Variants in IL1RAPL1 observed in about 807,000 individuals in gnomAD.
IL1RAPL1 encodes interleukin-1 receptor accessory protein-like 1.
Under a neutral mutation model 48.4 loss-of-function variants are expected in IL1RAPL1, and 3 were observed. The observed-to-expected ratio is 0.06, with a 90% CI of 0.03 to 0.16. The LOEUF is 0.16. Ranked by LOEUF, IL1RAPL1 falls within the 10% of genes least tolerant of loss-of-function variation. The pLI, the probability that IL1RAPL1 is intolerant of heterozygous loss-of-function variation, is 1.00. For synonymous variants in IL1RAPL1, 185 were observed against 187.7 expected (o/e 0.99, Z 0.12); for missense variants, 349 against 530.6 (o/e 0.66, Z 3.36).
chrX:29,110,149 G>A (rs764762680), intron 2 of IL1RAPL1, among the ~76,000 whole-genome samples: 1 of 111,649 alleles, frequency 9.0e-6, no homozygotes, highest in South Asian at 3.7e-4. Context: ...TAACATTGCT[G>A]CCTTTCTTTA....
intron 2 of IL1RAPL1, among the ~76,000 whole-genome samples, chrX:29,158,175 G>A (rs1335232281): frequency 1.8e-5 from 2 of 111,092 alleles, no homozygotes; most frequent in East Asian, 5.7e-4. Flanking sequence ...CCATTCCAAA[G>A]ACCACTAGGG....
chrX:28,659,026 T>A (rs763844865), intron 1 of IL1RAPL1: 77 of 544,239 alleles, frequency 1.4e-4, no homozygotes, highest in Non-Finnish European at 2.2e-4. Flanking sequence ...TTTTTTTTTT[T>A]ATTGAGAATG....
chrX:29,041,056 T>C (rs1004265801), intron 2 of IL1RAPL1, among the ~76,000 whole-genome samples: 1 of 112,354 alleles, frequency 8.9e-6, no homozygotes, highest in Non-Finnish European at 1.9e-5. Flanking sequence ...GTATGAATCC[T>C]TCTTAATGAT....
chrX:28,767,046 G>C (rs915510858), intron 1 of IL1RAPL1, among the ~76,000 whole-genome samples: 1 of 110,906 alleles, frequency 9.0e-6, no homozygotes, highest in African/African-American at 3.3e-5. Flanking sequence ...CTTTCTTTTG[G>C]GTATATACCC....
chrX:29,093,340 G>A (rs1453463949), intron 2 of IL1RAPL1, among the ~76,000 whole-genome samples: 1 of 110,075 alleles, frequency 9.1e-6, no homozygotes, highest in East Asian at 2.9e-4. Context: ...GGAGGAGGGG[G>A]GTGGGAGATA....
At chrX:29,237,175 G>A (rs1931326374) in intron 2 of IL1RAPL1, among the ~76,000 whole-genome samples, 1 of 111,752 alleles carries the variant, frequency 8.9e-6, no homozygotes, top group African/African-American at 3.3e-5. Flanking sequence ...TGCAGAAACT[G>A]TCAAAACGAA....
intron 2 of IL1RAPL1, among the ~76,000 whole-genome samples, chrX:28,866,514 C>A (rs957006734): frequency 2.1e-5 from 2 of 95,845 alleles, no homozygotes; most frequent in Admixed American, 1.2e-4. Context: ...TTGTTCCCCC[C>A]AAAAACTATG....
At chrX:28,976,474 CT>C (rs1213409851) in intron 2 of IL1RAPL1, among the ~76,000 whole-genome samples, 1 of 111,529 alleles carries the variant, frequency 9.0e-6, no homozygotes, top group Non-Finnish European at 1.9e-5. Context: ...TTGCCATTTA[CT>C]GAGATGGGAA....
intron 3 of IL1RAPL1, among the ~76,000 whole-genome samples, chrX:29,382,727 C>G (rs905589875): frequency 2.7e-5 from 3 of 111,456 alleles, no homozygotes; most frequent in Non-Finnish European, 5.6e-5. Flanking sequence ...ACTGCTGCAT[C>G]TAGGGATGCC....
intron 6 of IL1RAPL1, among the ~76,000 whole-genome samples, chrX:29,846,401 T>C (rs1931247223): frequency 9.0e-6 from 1 of 111,676 alleles, no homozygotes; most frequent in Non-Finnish European, 1.9e-5. Context: ...ACGGAAGAAA[T>C]AGACTCAAAA....
intron 6 of IL1RAPL1, among the ~76,000 whole-genome samples, chrX:29,697,458 T>G (rs1192793200): frequency 1.8e-5 from 2 of 112,289 alleles, no homozygotes; most frequent in Non-Finnish European, 3.8e-5. Flanking sequence ...CCACAATGTT[T>G]TTAACTGACT....
chrX:29,652,036 C>G (rs910883530), intron 5 of IL1RAPL1, among the ~76,000 whole-genome samples: 9 of 111,327 alleles, frequency 8.1e-5, no homozygotes, highest in Non-Finnish European at 1.5e-4. Flanking sequence ...ATCTCATTAG[C>G]CATCAAAAAT....
In IL1RAPL1 at chrX:29,832,025, G is replaced by A. The variant is rs571934224; in HGVS notation, c.779-85439G>A. ...GCTGTCAACCCGTGGGACACCTGAT[G>A]ACATTCTTTTTCAAGAACCAACATC... On this transcript the variant is annotated intron_variant, in intron 6 of 10. Transcript: ENST00000378993. Among the ~76,000 whole-genome samples, 4 of 111,693 alleles carry A rather than the reference G, an allele frequency of 3.6e-5. No homozygotes were observed. In the East Asian group the frequency reaches 1.1e-3, roughly 31 times the overall value.
chrX:29,029,112 GA>G (rs1926558900), intron 2 of IL1RAPL1, among the ~76,000 whole-genome samples: 1 of 111,178 alleles, frequency 9.0e-6, no homozygotes, highest in Admixed American at 9.6e-5. Flanking sequence ...AGATGCTTAT[GA>G]AACCATCACA....
At chrX:29,377,405 G>A (rs1933637938) in intron 3 of IL1RAPL1, among the ~76,000 whole-genome samples, 1 of 111,828 alleles carries the variant, frequency 8.9e-6, no homozygotes. Flanking sequence ...TCATCATGTA[G>A]TTAGCTGGTT....
intron 2 of IL1RAPL1, among the ~76,000 whole-genome samples, chrX:28,899,074 A>G (rs1447688781): frequency 8.1e-5 from 9 of 111,403 alleles, no homozygotes; most frequent in Non-Finnish European, 1.7e-4. Flanking sequence ...AGTTACAATT[A>G]TGGTGGAAGG....
intron 5 of IL1RAPL1, among the ~76,000 whole-genome samples, chrX:29,557,046 C>G (rs979755304): frequency 8.9e-6 from 1 of 111,917 alleles, no homozygotes; most frequent in Non-Finnish European, 1.9e-5. Context: ...TATTATAGTA[C>G]TTCAGCCCTT....
intron 5 of IL1RAPL1, among the ~76,000 whole-genome samples, chrX:29,632,053 T>C (rs1924791519): frequency 9.0e-6 from 1 of 111,686 alleles, no homozygotes; most frequent in South Asian, 3.7e-4. Context: ...TATATAGTTA[T>C]ATGAGTTTTA....
intron 5 of IL1RAPL1, among the ~76,000 whole-genome samples, chrX:29,429,713 C>A (rs190655839): frequency 1.3e-4 from 15 of 111,172 alleles, no homozygotes; most frequent in African/African-American, 4.9e-4. Context: ...TCTCTGGCCC[C>A]ATCAGACTAT....
Sources: allele counts gnomAD v4.1 joint callset (sites outside exome capture counted in the v4.1 genomes callset), GRCh38; gene constraint gnomAD v4.1.1; transcripts MANE v1.5; gene names NCBI Gene and HGNC (gene_info 2026-07-23, HGNC 2026-07-21).